The following LONP2 variants were observed in gnomAD, a reference collection of about 807,000 sequenced individuals.
The protein encoded by LONP2 is lon protease homolog 2, peroxisomal.
In LONP2, 60 loss-of-function variants were observed where a neutral mutation model predicts 85.6. The observed-to-expected ratio is 0.70, with a 90% confidence interval of 0.57 to 0.87. The LOEUF (loss-of-function observed/expected upper bound fraction) is 0.87, where lower values mean the gene tolerates loss of function less well. Ranked by LOEUF, LONP2 falls within the 40% of genes least tolerant of loss-of-function variation. The pLI, the probability that LONP2 is intolerant of heterozygous loss-of-function variation, is 0.00. For missense variants in LONP2, 860 were observed against 1,063.5 expected (o/e 0.81, Z 2.66); for synonymous variants, 395 against 389.7 (o/e 1.01, Z -0.16).
chr16:48,263,359 C>T (rs956984174), intron 6 of LONP2, among the ~76,000 whole-genome samples: 12 of 152,202 alleles, frequency 7.9e-5, no homozygotes, highest in Non-Finnish European at 1.3e-4. Flanking sequence ...CTTCTCCTCT[C>T]ATCCTGTGGC....
At chr16:48,244,809 A>C (rs1157765400) in intron 1 of LONP2, among the ~76,000 whole-genome samples, 188 bp downstream of exon 1, 1 of 152,158 alleles carries the variant, frequency 6.6e-6, no homozygotes, top group Non-Finnish European at 1.5e-5. Context: ...CATGAATGAG[A>C]TCGTTCATGA....
chr16:48,344,500 T>C (rs932058725), intron 12 of LONP2: 2 of 152,044 alleles, frequency 1.3e-5, no homozygotes, highest in African/African-American at 4.8e-5. Flanking sequence ...CATACGTGGT[T>C]ATCTACACCA....
chr16:48,347,006 C>G (rs1021798662), intron 12 of LONP2, among the ~76,000 whole-genome samples: 2 of 151,768 alleles, frequency 1.3e-5, no homozygotes, highest in Non-Finnish European at 2.9e-5. Flanking sequence ...CAAAAATTAG[C>G]GGGTGTGGTG....
rs564854854 is a variant in LONP2 at position 48,291,950 on chromosome 16, A to G, written c.1384-4065A>G. On this transcript the variant is annotated intron_variant, in intron 8 of 14. Coordinates refer to ENST00000285737, the MANE Select transcript of LONP2 (RefSeq NM_031490.5). ...TTTATTTTGGCAACGTTCTCCAGAG[A>G]TGATTGTGAGGGCTTCAGTATTTAA... is the stretch of plus-strand genomic sequence containing the variant. 2.0e-5 allele frequency among the ~76,000 whole-genome samples: 3 copies of G among 152,314 alleles called. No individual in the cohort carries two copies. The South Asian group carries it at 6.2e-4, about 32-fold the overall frequency.
intron 7 of LONP2, among the ~76,000 whole-genome samples, chr16:48,271,930 A>G (rs1405882414): frequency 6.6e-6 from 1 of 152,192 alleles, no homozygotes; most frequent in Non-Finnish European, 1.5e-5. Context: ...TCTTGGACCA[A>G]ACTCAAAGAA....
intron 9 of LONP2, among the ~76,000 whole-genome samples, chr16:48,296,598 G>A (rs1286518254): frequency 1.3e-5 from 2 of 151,790 alleles, no homozygotes; most frequent in Admixed American, 1.3e-4. Flanking sequence ...ATGGTGGCGG[G>A]CGCCTGTAGT....
In LONP2 at chr16:48,256,718, A is replaced by G; in HGVS notation, c.577A>G (p.Thr193Ala). The change falls in exon 3 of 15, where the codon ACA becomes GCA. Residue 193 changes from threonine to alanine, a missense_variant. By Grantham distance (58) the Thr-to-Ala change is moderately conservative. Around this residue, in one of 3 missense-constraint regions of LONP2, gnomAD observed 743 missense variants for 917.3 expected, o/e 0.81. Transcript: ENST00000285737. ...LPDILTSIIR[T>A]SNKEKLQILD... ...AGACATCTTGACATCAATTATCCGAACAAGCAACAAAGAGAAACTCCAGGT... is the reference window on the plus strand; with the variant it reads ...AGACATCTTGACATCAATTATCCGAGCAAGCAACAAAGAGAAACTCCAGGT... 6.2e-7 allele frequency: 1 copy of G among 1,613,916 alleles called. No homozygotes were observed. The highest frequency in any genetic ancestry group is 1.3e-5 in the African/African-American group (1 of 75,032).
intron 11 of LONP2, among the ~76,000 whole-genome samples, chr16:48,327,604 C>A (rs191885150): frequency 9.2e-5 from 14 of 152,176 alleles, no homozygotes; most frequent in African/African-American, 3.1e-4. Context: ...ATTACAGGCA[C>A]CTGCCACCAG....
At chr16:48,249,187 T>C (rs527828242) in intron 1 of LONP2, among the ~76,000 whole-genome samples, 1 of 152,268 alleles carries the variant, frequency 6.6e-6, no homozygotes, top group Admixed American at 6.5e-5. Context: ...TGAGGGTAGA[T>C]TCGAGTTAGG....
intron 2 of LONP2, among the ~76,000 whole-genome samples, chr16:48,256,036 T>G (rs1022737838): frequency 5.9e-5 from 9 of 152,234 alleles, no homozygotes. Context: ...ATACACATAT[T>G]TCTAATAATA....
rs1960008829 is a variant in LONP2 at position 48,347,624 on chromosome 16, A to G, written c.2056A>G (p.Thr686Ala). Residue 686 changes from threonine (T) to alanine (A), a missense_variant, in exon 13 of 15, where the codon ACC (threonine) becomes GCC (alanine). Thr to Ala is a moderately conservative substitution (Grantham distance 58). This residue lies in a region of LONP2 where 743 missense variants were observed against 917.3 expected (regional missense o/e 0.81). Coordinates refer to ENST00000285737, the MANE Select transcript of LONP2 (RefSeq NM_031490.5). ...GGATGGCGAGGGCCAGTTAACTCTG[A>G]CCGGCCAGCTCGGGGACGTGATGAA... ...RMDGEGQLTL[T>A]GQLGDVMKES... 6.2e-7 allele frequency: 1 copy of G among 1,614,102 alleles called. No homozygotes were observed. Among genetic ancestry groups the G allele is most frequent in the Admixed American group, 1.7e-5 (1 of 59,996 alleles).
Position 48,362,373 on chromosome 16 carries a change from G to A in LONP2, c.*510G>A. 6.2e-7 allele frequency: 1 copy of A among 1,614,198 alleles called. No homozygotes were observed. Among genetic ancestry groups the A allele is most frequent in the Non-Finnish European group, 8.5e-7 (1 of 1,180,032 alleles). ...GCCAGTCAGGGCAGGCACCCTCTGG[G>A]ATGGTGGACACTTCGAGGTACCGGT... On this transcript the variant is annotated 3_prime_UTR_variant, in exon 5 of 5. Coordinates refer to the LONP2 transcript ENST00000565867. The surrounding 1 kb of genome is among the most constrained non-coding windows in gnomAD (Gnocchi z 4.2).
chr16:48,303,378 G>A (rs767502274), intron 11 of LONP2, 73 bp downstream of exon 11: 18 of 1,580,498 alleles, frequency 1.1e-5, no homozygotes, highest in Non-Finnish European at 1.6e-5. Flanking sequence ...TGGGTATGGA[G>A]GGGAAGGTGT....
At chr16:48,268,758 G>C (rs1387155832) in intron 6 of LONP2, among the ~76,000 whole-genome samples, 2 of 152,052 alleles carry the variant, frequency 1.3e-5, no homozygotes, top group African/African-American at 4.8e-5. Context: ...ACTCACCTAG[G>C]ACTCTGACTA....
Position 48,354,021 on chromosome 16 carries a change from TG to T in LONP2, c.*2222del, listed in dbSNP as rs1161698913. ...TTTGTTTTTTTTTTAATTCCAGGGG[TG>T]GGAGGTTGGTTGGTTGAAGTCTAAG... On this transcript the variant is annotated 3_prime_UTR_variant, in exon 15 of 15. Coordinates refer to ENST00000285737, the MANE Select transcript of LONP2 (RefSeq NM_031490.5). 1.6e-5 allele frequency: 2 copies of T among 127,634 alleles called. No homozygotes were observed. The highest frequency in any genetic ancestry group is 3.2e-5 in the Non-Finnish European group (2 of 62,654). 7.9% of individuals were successfully genotyped at this position (127,634 alleles called of 1,614,324 possible). A position where few individuals can be genotyped will look rare whatever the true frequency, so the allele number is the denominator to read the frequency against.
chr16:48,263,101 CA>C (rs1357762677), intron 6 of LONP2, among the ~76,000 whole-genome samples: 1 of 152,192 alleles, frequency 6.6e-6, no homozygotes, highest in Non-Finnish European at 1.5e-5. Context: ...GAAACCATCA[CA>C]ATCTTCATAG....
intron 11 of LONP2, among the ~76,000 whole-genome samples, chr16:48,315,784 G>A (rs1421376223): frequency 6.6e-6 from 1 of 151,388 alleles, no homozygotes; most frequent in Admixed American, 6.6e-5. Context: ...CTGGGATTCT[G>A]AGAAGAGAGC....
intron 12 of LONP2, among the ~76,000 whole-genome samples, chr16:48,340,060 G>A (rs1023044180): frequency 2.0e-5 from 3 of 152,208 alleles, no homozygotes; most frequent in African/African-American, 7.2e-5. Context: ...GATAGCAGGG[G>A]CTGGGGCAGA....
chr16:48,304,787 T>C (rs1368207839), intron 11 of LONP2, among the ~76,000 whole-genome samples: 1 of 152,258 alleles, frequency 6.6e-6, no homozygotes, highest in Non-Finnish European at 1.5e-5. Flanking sequence ...CATATCATGC[T>C]GTTATGCAGT....
Sources: gnomAD v4.1 joint callset for allele counts (sites outside exome capture counted in the v4.1 genomes callset) on GRCh38, gnomAD v4.1.1 for gene constraint, gnomAD v4.1.1 regional missense constraint, Gnocchi (gnomAD v3.1) non-coding constraint, MANE v1.5 for transcripts, NCBI Gene and HGNC (gene_info 2026-07-23, HGNC 2026-07-21) for gene names.